Variants in EFCAB11 observed in about 807,000 individuals in gnomAD.
The protein encoded by EFCAB11 is EF-hand calcium binding domain 11.
EFCAB11 carries 14 observed loss-of-function variants against 23.0 expected under a neutral mutation model. The ratio of observed to expected loss-of-function variants is 0.61; its 90% CI spans 0.40 to 0.95. The LOEUF is 0.95. EFCAB11 is among the 40% of genes least tolerant of loss of function. The pLI, the probability that EFCAB11 is intolerant of heterozygous loss-of-function variation, is 0.00. For synonymous variants in EFCAB11, 65 were observed against 66.6 expected, an observed-to-expected ratio of 0.98 and a Z score of 0.11; for missense variants, 198 against 195.8, an observed-to-expected ratio of 1.01 and a Z score of -0.07.
chr14:89,911,694 T>C (rs981587637), intron 5 of EFCAB11, among the ~76,000 whole-genome samples: 4 of 152,250 alleles, frequency 2.6e-5, no homozygotes, highest in African/African-American at 9.6e-5. Context: ...AATCATTGTG[T>C]GAGCCTGGAT....
intron 3 of EFCAB11, among the ~76,000 whole-genome samples, chr14:89,948,880 A>C (rs34892235): frequency 6.8e-6 from 1 of 146,822 alleles, no homozygotes; most frequent in South Asian, 2.1e-4. Context: ...GTTAATGGAT[A>C]CAAAAAAAAA....
rs1167071391 is a variant in EFCAB11 at position 89,950,029 on chromosome 14, A to G, written c.217+68T>C. 3 of 1,431,154 alleles carry G rather than the reference A, an allele frequency of 2.1e-6. No individual in the cohort carries two copies. In the East Asian group the frequency reaches 7.8e-5, roughly 37 times the overall value. 88.7% of individuals were successfully genotyped at this position (1,431,154 alleles called of 1,614,324 possible). ...TAGGAATTTGAGATGAGACTGATGT[A>G]GGGACACAGCCAAGCCATCTCAGTG... On this transcript the variant is annotated intron_variant, in intron 3 of 5. Coordinates refer to ENST00000316738, the MANE Select transcript of EFCAB11 (RefSeq NM_145231.4).
intron 3 of EFCAB11, 44 bp downstream of exon 3, chr14:89,950,053 T>A: frequency 6.7e-7 from 1 of 1,490,476 alleles, no homozygotes; most frequent in Non-Finnish European, 9.1e-7. Context: ...GCCATCTCAG[T>A]GTCTAAATAA....
chr14:89,879,630 T>C (rs1205694793), intron 5 of EFCAB11, among the ~76,000 whole-genome samples: 1 of 152,236 alleles, frequency 6.6e-6, no homozygotes, highest in African/African-American at 2.4e-5. Context: ...ATAAGTATTT[T>C]TGAAGAAGAC....
At chr14:89,862,362 TG>T (rs1887952837) in intron 5 of EFCAB11, among the ~76,000 whole-genome samples, 3 of 152,250 alleles carry the variant, frequency 2.0e-5, no homozygotes, top group Admixed American at 2.0e-4. Context: ...TAAACATTTT[TG>T]TTAGTTTTCT....
intron 5 of EFCAB11, among the ~76,000 whole-genome samples, chr14:89,895,485 CAGAT>C (rs1889124029): frequency 1.3e-5 from 2 of 152,082 alleles, no homozygotes; most frequent in Admixed American, 1.3e-4. Flanking sequence ...GGTGCAGAGA[CAGAT>C]TAAGTGACCA....
At chr14:89,867,035 G>C (rs1888114360) in intron 5 of EFCAB11, among the ~76,000 whole-genome samples, 1 of 152,148 alleles carries the variant, frequency 6.6e-6, no homozygotes, top group Admixed American at 6.5e-5. Flanking sequence ...CCAAAGTGCT[G>C]GGATTACAGG....
intron 5 of EFCAB11, among the ~76,000 whole-genome samples, chr14:89,814,978 C>G (rs1389169487): frequency 6.6e-6 from 1 of 152,214 alleles, no homozygotes; most frequent in Non-Finnish European, 1.5e-5. Context: ...GTACCAAGAA[C>G]AAGACATTGG....
intron 5 of EFCAB11, chr14:89,837,059 G>A (rs1887108756): frequency 2.2e-6 from 1 of 456,572 alleles, no homozygotes; most frequent in Non-Finnish European, 4.4e-6. Flanking sequence ...CTGAATGATG[G>A]AGTCAGCTGC....
At chr14:89,856,192 CTT>C (rs71107567) in intron 5 of EFCAB11, among the ~76,000 whole-genome samples, 19 of 136,432 alleles carry the variant, frequency 1.4e-4, no homozygotes, top group East Asian at 8.4e-4. Flanking sequence ...CTCTCTCTCT[CTT>C]TTTTTTTTTT....
chr14:89,914,742 A>C (rs1272385951), intron 5 of EFCAB11, among the ~76,000 whole-genome samples: 1 of 151,772 alleles, frequency 6.6e-6, no homozygotes, highest in Non-Finnish European at 1.5e-5. Flanking sequence ...CCAAGATCGC[A>C]CCACTGCACT....
intron 5 of EFCAB11, among the ~76,000 whole-genome samples, chr14:89,842,327 G>A (rs576474366): frequency 3.3e-5 from 5 of 152,284 alleles, no homozygotes; most frequent in Admixed American, 6.5e-5. Context: ...GGTGGCTCAC[G>A]CCTGTAATCC....
chr14:89,826,206 G>C (rs1392825589), intron 5 of EFCAB11, among the ~76,000 whole-genome samples: 1 of 152,076 alleles, frequency 6.6e-6, no homozygotes, highest in Non-Finnish European at 1.5e-5. Flanking sequence ...ATAGTGGCAA[G>C]TGCTATGTAA....
At chr14:89,798,691 G>A (rs1885658114) in intron 5 of EFCAB11, among the ~76,000 whole-genome samples, 3 of 152,186 alleles carry the variant, frequency 2.0e-5, no homozygotes, top group South Asian at 4.1e-4. Context: ...TTGTGTGTGT[G>A]CGAGTGTGCT....
chr14:89,883,214 T>C (rs987455861), intron 5 of EFCAB11, among the ~76,000 whole-genome samples: 1 of 152,208 alleles, frequency 6.6e-6, no homozygotes, highest in Admixed American at 6.5e-5. Context: ...ACTAAGATAG[T>C]TATCTTAACA....
At chr14:89,836,342 A>G (rs1039455143) in intron 5 of EFCAB11, 2 of 331,936 alleles carry the variant, frequency 6.0e-6, no homozygotes, top group Admixed American at 7.9e-5. Context: ...CAAAGCTCAT[A>G]CCCATTACCT....
chr14:89,805,186 C>T (rs557894400), intron 5 of EFCAB11, among the ~76,000 whole-genome samples: 9 of 152,182 alleles, frequency 5.9e-5, no homozygotes, highest in East Asian at 1.9e-4. Flanking sequence ...ACATTGTTTG[C>T]GTCTTCCCCA....
chr14:89,936,153 TA>T (rs1398814756), intron 3 of EFCAB11, among the ~76,000 whole-genome samples: 1 of 152,124 alleles, frequency 6.6e-6, no homozygotes, highest in Non-Finnish European at 1.5e-5. Flanking sequence ...TATGATATAG[TA>T]AAAACCAAAC....
chr14:89,839,869 C>A (rs550766127), intron 5 of EFCAB11, among the ~76,000 whole-genome samples: 2 of 152,130 alleles, frequency 1.3e-5, no homozygotes, highest in South Asian at 4.1e-4. Context: ...CTATATAGTA[C>A]CAAGGGGGGA....
Sources: allele counts gnomAD v4.1 joint callset (sites outside exome capture counted in the v4.1 genomes callset), GRCh38; gene constraint gnomAD v4.1.1; transcripts MANE v1.5; gene names NCBI Gene and HGNC (gene_info 2026-07-23, HGNC 2026-07-21).